Variants in ASIC2 observed in about 807,000 individuals in gnomAD.
ASIC2 encodes acid-sensing ion channel 2.
In ASIC2, 25 loss-of-function variants were observed where a neutral mutation model predicts 57.3. The ratio of observed to expected loss-of-function variants is 0.44; its 90% CI spans 0.32 to 0.61. The LOEUF is 0.61. Among genes scored for constraint, ASIC2 ranks in the 20% least tolerant of loss-of-function variants. The pLI is 0.06. For missense variants in ASIC2, 641 were observed against 738.1 expected (o/e 0.87, Z 1.52); for synonymous variants, 319 against 307.5 (o/e 1.04, Z -0.39).
At chr17:33,445,273 CA>C (rs1269265922) in intron 1 of ASIC2, among the ~76,000 whole-genome samples, 1 of 151,776 alleles carries the variant, frequency 6.6e-6, no homozygotes, top group African/African-American at 2.4e-5. Context: ...ACTAAAAATA[CA>C]AAAAAAATTA....
intron 3 of ASIC2, among the ~76,000 whole-genome samples, chr17:33,068,222 T>C (rs972419915): frequency 6.6e-6 from 1 of 152,132 alleles, no homozygotes; most frequent in Non-Finnish European, 1.5e-5. Flanking sequence ...ATTGAAAGTC[T>C]CACTTCCCCA....
intron 1 of ASIC2, among the ~76,000 whole-genome samples, chr17:33,704,993 G>A (rs1311119574): frequency 6.6e-6 from 1 of 152,190 alleles, no homozygotes; most frequent in Non-Finnish European, 1.5e-5. Context: ...GTAGGCGTAT[G>A]TTTGTAACAC....
At chr17:33,422,083 A>G (rs1911063627) in intron 1 of ASIC2, among the ~76,000 whole-genome samples, 1 of 152,206 alleles carries the variant, frequency 6.6e-6, no homozygotes, top group Non-Finnish European at 1.5e-5. Flanking sequence ...CCTTTCTTAC[A>G]TGACAGCCTC....
chr17:33,602,859 T>C (rs1597804024), intron 1 of ASIC2, among the ~76,000 whole-genome samples: 2 of 152,338 alleles, frequency 1.3e-5, no homozygotes, highest in East Asian at 3.9e-4. Flanking sequence ...GAAGTTCAAC[T>C]CTTTCTCTCA....
At chr17:33,799,428 TTCTTTC>T (rs1305545967) in intron 1 of ASIC2, among the ~76,000 whole-genome samples, 7 of 8,842 alleles carry the variant, frequency 7.9e-4, no homozygotes, top group African/African-American at 1.8e-3. Flanking sequence ...TCTTTCTTTC[TTCTTTC>T]TTTCTTTCTT....
At chr17:33,824,471 G>T (rs1244309330) in intron 1 of ASIC2, among the ~76,000 whole-genome samples, 1 of 151,730 alleles carries the variant, frequency 6.6e-6, no homozygotes, top group Non-Finnish European at 1.5e-5. Flanking sequence ...AAAGAAAAAA[G>T]GCTGTATAGC....
intron 1 of ASIC2, among the ~76,000 whole-genome samples, chr17:34,089,906 T>C (rs1910262372): frequency 6.6e-6 from 1 of 152,144 alleles, no homozygotes. Flanking sequence ...CATCCCTTAA[T>C]ACCAAACAGC....
At chr17:33,240,267 C>T (rs1378406821) in intron 1 of ASIC2, among the ~76,000 whole-genome samples, 2 of 152,126 alleles carry the variant, frequency 1.3e-5, no homozygotes, top group Admixed American at 1.3e-4. Context: ...ACTTCATTCC[C>T]AAGATGGAGG....
At chr17:33,752,391 C>T (rs1910463083) in intron 1 of ASIC2, among the ~76,000 whole-genome samples, 1 of 150,558 alleles carries the variant, frequency 6.6e-6, no homozygotes, top group South Asian at 2.1e-4. Context: ...AAAAAAAAGT[C>T]AAAAGGTGGG....
chr17:33,410,484 T>A (rs1198358215), intron 1 of ASIC2, among the ~76,000 whole-genome samples: 1 of 152,206 alleles, frequency 6.6e-6, no homozygotes, highest in African/African-American at 2.4e-5. Flanking sequence ...CTTCTGCAGA[T>A]CAGGGCTTGA....
chr17:33,599,924 C>T (rs544434538), intron 1 of ASIC2, among the ~76,000 whole-genome samples: 1 of 152,330 alleles, frequency 6.6e-6, no homozygotes, highest in African/African-American at 2.4e-5. Context: ...TCAAATCCTT[C>T]CTGTAACCCT....
chr17:33,691,444 T>C (rs1567690068), intron 1 of ASIC2, among the ~76,000 whole-genome samples: 1 of 152,224 alleles, frequency 6.6e-6, no homozygotes, highest in Non-Finnish European at 1.5e-5. Flanking sequence ...GTATTTATTT[T>C]TGTTTTCATT....
At chr17:33,289,169 G>A (rs1905314774) in intron 1 of ASIC2, among the ~76,000 whole-genome samples, 1 of 152,188 alleles carries the variant, frequency 6.6e-6, no homozygotes, top group Admixed American at 6.5e-5. Flanking sequence ...GAGTCTCCAG[G>A]AACACATACC....
rs145753417 is a variant in ASIC2 at position 33,389,299 on chromosome 17, T to C, written c.556-277232A>G. Among the ~76,000 whole-genome samples, 570 of 152,264 alleles carry C rather than the reference T, an allele frequency of 3.7e-3. 2 individuals are homozygous for C. Among genetic ancestry groups the C allele is most frequent in the Non-Finnish European group, 5.7e-3 (388 of 68,024 alleles). On this transcript the variant is annotated intron_variant, in intron 1 of 9. Transcript: ENST00000359872. ...AACTGCACGCAAACAGATGGCACAATGTATCCCTTCTGTTTACAGCTCATT... is the reference window on the plus strand; with the variant it reads ...AACTGCACGCAAACAGATGGCACAACGTATCCCTTCTGTTTACAGCTCATT...
At chr17:33,602,566 C>T (rs977426172) in intron 1 of ASIC2, among the ~76,000 whole-genome samples, 7 of 152,200 alleles carry the variant, frequency 4.6e-5, no homozygotes, top group African/African-American at 9.7e-5. Context: ...ATAAATTACC[C>T]AGTCTGTGGT....
At chr17:33,690,896 C>T (rs1908345286) in intron 1 of ASIC2, among the ~76,000 whole-genome samples, 1 of 151,704 alleles carries the variant, frequency 6.6e-6, no homozygotes, top group African/African-American at 2.4e-5. Flanking sequence ...ACTACAGGCT[C>T]CTGCCACCAC....
chr17:33,774,244 A>G (rs1911199574), intron 1 of ASIC2, among the ~76,000 whole-genome samples: 1 of 152,210 alleles, frequency 6.6e-6, no homozygotes, highest in Non-Finnish European at 1.5e-5. Context: ...TTTTTATTCA[A>G]AATGATGGGT....
At chr17:33,290,740 G>C (rs1440677463) in intron 1 of ASIC2, 3 of 152,200 alleles carry the variant, frequency 2.0e-5, no homozygotes, top group African/African-American at 7.2e-5. Flanking sequence ...CAGTTCCGCT[G>C]GATGCTCAAG....
At chr17:33,540,765 C>T (rs1041547966) in intron 1 of ASIC2, among the ~76,000 whole-genome samples, 1 of 152,118 alleles carries the variant, frequency 6.6e-6, no homozygotes, top group African/African-American at 2.4e-5. Context: ...CTGGGACCTA[C>T]CAGCACAGAG....
Sources: gnomAD v4.1 joint callset for allele counts (sites outside exome capture counted in the v4.1 genomes callset) on GRCh38, gnomAD v4.1.1 for gene constraint, MANE v1.5 for transcripts, NCBI Gene and HGNC (gene_info 2026-07-23, HGNC 2026-07-21) for gene names.